Variants in PTPRJ observed in about 807,000 individuals in gnomAD.
PTPRJ encodes the protein receptor-type tyrosine-protein phosphatase eta.
A neutral mutation model predicts 141.3 loss-of-function variants in PTPRJ; 129 were observed. The ratio of observed to expected loss-of-function variants is 0.91; its 90% CI spans 0.79 to 1.06. The LOEUF is 1.06. Ranked by LOEUF, PTPRJ falls within the 50% of genes least tolerant of loss-of-function variation. The pLI is 0.00. For synonymous variants in PTPRJ, 610 were observed against 640.5 expected (o/e 0.95, Z 0.72); for missense variants, 1,601 against 1,679.7 (o/e 0.95, Z 0.82).
intron 8 of PTPRJ, among the ~76,000 whole-genome samples, chr11:48,134,576 A>C (rs1318986923): frequency 1.3e-5 from 2 of 152,190 alleles, no homozygotes; most frequent in Admixed American, 1.3e-4. Flanking sequence ...GTACGTAAAC[A>C]TGGCACAATT....
chr11:48,077,180 T>TA (rs898285277), intron 1 of PTPRJ, among the ~76,000 whole-genome samples: 287 of 146,374 alleles, frequency 2.0e-3, no homozygotes, highest in Middle Eastern at 0.011. Context: ...CTTTTTTCTT[T>TA]AAAAAAAAAA....
At chr11:48,140,618 G>A (rs536578523) in intron 11 of PTPRJ, among the ~76,000 whole-genome samples, 47 of 152,312 alleles carry the variant, frequency 3.1e-4, no homozygotes, top group African/African-American at 1.1e-3. Flanking sequence ...AGCGGGCACT[G>A]CTGCCGCATA....
intron 22 of PTPRJ, 102 bp from the exon 23 acceptor site, chr11:48,163,356 C>T (rs1434500405): frequency 2.6e-6 from 3 of 1,133,606 alleles, no homozygotes; most frequent in Non-Finnish European, 3.8e-6. Flanking sequence ...TTAGTCATTA[C>T]AACTCCTGGT....
chr11:47,991,253 G>A (rs903217038), intron 1 of PTPRJ, among the ~76,000 whole-genome samples: 2 of 152,214 alleles, frequency 1.3e-5, no homozygotes, highest in East Asian at 3.9e-4. Flanking sequence ...CCCCGAAGGA[G>A]CACAGGGATA....
chr11:48,094,745 C>T (rs916483843), intron 1 of PTPRJ, among the ~76,000 whole-genome samples: 6 of 152,056 alleles, frequency 3.9e-5, no homozygotes, highest in South Asian at 2.1e-4. Flanking sequence ...GTGTTTGGGG[C>T]GCAGAAGTTC....
At chr11:48,148,499 G>A (rs925061213) in intron 15 of PTPRJ, among the ~76,000 whole-genome samples, 6 of 151,650 alleles carry the variant, frequency 4.0e-5, no homozygotes, top group African/African-American at 7.3e-5. Context: ...GTGCAATGGC[G>A]TGGTCTTGGC....
At chr11:48,035,545 T>C (rs1182987525) in intron 1 of PTPRJ, among the ~76,000 whole-genome samples, 1 of 139,578 alleles carries the variant, frequency 7.2e-6, no homozygotes, top group Non-Finnish European at 1.6e-5. Context: ...CTTCTTTTTT[T>C]TTTTTTTTTT....
intron 21 of PTPRJ, among the ~76,000 whole-genome samples, chr11:48,157,879 G>A (rs1294673221): frequency 1.3e-5 from 2 of 152,216 alleles, no homozygotes; most frequent in East Asian, 3.8e-4. Context: ...TAGGCTGGGT[G>A]CAGTGGCTTA....
chr11:48,101,586 G>T (rs998538065), intron 1 of PTPRJ, among the ~76,000 whole-genome samples: 2 of 152,202 alleles, frequency 1.3e-5, no homozygotes, highest in East Asian at 1.9e-4. Flanking sequence ...TTGGAAGCTG[G>T]TTTCCTCCTC....
intron 1 of PTPRJ, among the ~76,000 whole-genome samples, chr11:48,102,817 G>T (rs1187966522): frequency 6.6e-6 from 1 of 152,126 alleles, no homozygotes; most frequent in Non-Finnish European, 1.5e-5. Flanking sequence ...CCTCAATTTA[G>T]GACCCCCAGA....
Position 48,167,434 on chromosome 11 carries a change from G to A in PTPRJ, c.*72G>A, listed in dbSNP as rs879081484. On this transcript the variant is annotated 3_prime_UTR_variant, in exon 25 of 25. Coordinates refer to ENST00000418331, the MANE Select transcript of PTPRJ (RefSeq NM_002843.4). The stretch of plus-strand genomic sequence containing the variant: ...CAGCGAAGGCACATGCCCCGATGTC[G>A]ACATGTTTTTATATGTCTAATATCT... 2 of 1,483,470 alleles carry A rather than the reference G, an allele frequency of 1.3e-6. No homozygotes were observed. The highest frequency in any genetic ancestry group is 2.3e-5 in the East Asian group (1 of 43,938). 91.9% of individuals were successfully genotyped at this position (1,483,470 alleles called of 1,614,324 possible). A position where few individuals can be genotyped will look rare whatever the true frequency, so the allele number is the denominator to read the frequency against.
At chr11:48,037,402 G>A (rs1321169648) in intron 1 of PTPRJ, among the ~76,000 whole-genome samples, 1 of 152,204 alleles carries the variant, frequency 6.6e-6, no homozygotes, top group Non-Finnish European at 1.5e-5. Context: ...GGCTCAGAGA[G>A]ATGCCGTGGT....
chr11:48,102,601 G>A (rs1355458019), intron 1 of PTPRJ, among the ~76,000 whole-genome samples: 4 of 151,772 alleles, frequency 2.6e-5, no homozygotes, highest in Admixed American at 6.6e-5. Context: ...CAGTAGAGAC[G>A]GGGTTTCACC....
At chr11:48,142,840 G>A (rs1857266177) in intron 11 of PTPRJ, 79 bp from the exon 12 acceptor site, 1 of 1,476,932 alleles carries the variant, frequency 6.8e-7, no homozygotes, top group African/African-American at 1.4e-5. Context: ...TGAGGAGGTT[G>A]CTGAAGCATG....
intron 1 of PTPRJ, among the ~76,000 whole-genome samples, chr11:48,054,812 T>C (rs1011684165): frequency 1.3e-5 from 2 of 149,368 alleles, no homozygotes; most frequent in Non-Finnish European, 3.0e-5. Context: ...TTTTTTCCTT[T>C]CTTTCTTTTT....
chr11:48,055,128 A>G (rs1854719300), intron 1 of PTPRJ, among the ~76,000 whole-genome samples: 1 of 152,060 alleles, frequency 6.6e-6, no homozygotes, highest in East Asian at 1.9e-4. Context: ...TGAGACTGCA[A>G]TGAGCTGTGA....
At chr11:48,004,805 G>A (rs1298605483) in intron 1 of PTPRJ, among the ~76,000 whole-genome samples, 2 of 152,018 alleles carry the variant, frequency 1.3e-5, no homozygotes, top group African/African-American at 2.4e-5. Flanking sequence ...TATCATGGAA[G>A]GATTTTCTTT....
At chr11:48,017,316 C>G (rs1854977442) in intron 1 of PTPRJ, among the ~76,000 whole-genome samples, 1 of 152,010 alleles carries the variant, frequency 6.6e-6, no homozygotes, top group Non-Finnish European at 1.5e-5. Context: ...GGGGTTGGCC[C>G]TGGAGAGGCA....
At chr11:48,136,418 T>C in intron 9 of PTPRJ, 122 bp downstream of exon 9, 1 of 1,226,266 alleles carries the variant, frequency 8.2e-7, no homozygotes, top group Non-Finnish European at 1.1e-6. Flanking sequence ...CTGCTGAAGT[T>C]GAAAACATTG....
Sources: gnomAD v4.1 joint callset for allele counts (sites outside exome capture counted in the v4.1 genomes callset) on GRCh38, gnomAD v4.1.1 for gene constraint, MANE v1.5 for transcripts, NCBI Gene and HGNC (gene_info 2026-07-23, HGNC 2026-07-21) for gene names.